TP63: variants seen among roughly 807,000 people sequenced by gnomAD.
TP63 encodes the protein tumor protein p63, also known as tumor protein 63.
A neutral mutation model predicts 82.8 loss-of-function variants in TP63; 17 were observed. The observed-to-expected ratio is 0.21, with a 90% CI of 0.14 to 0.31. The LOEUF is 0.31. Ranked by LOEUF, TP63 falls within the 10% of genes least tolerant of loss-of-function variation. The pLI is 1.00. For synonymous variants in TP63, 330 were observed against 321.7 expected (o/e 1.03, Z -0.28); for missense variants, 648 against 895.3 (o/e 0.72, Z 3.52).
chr3:189,779,282 A>T lies in TP63; in HGVS notation c.325-28990A>T, dbSNP rs540670811. On this transcript the variant is annotated intron_variant, in intron 3 of 13. Coordinates refer to ENST00000264731, the MANE Select transcript of TP63 (RefSeq NM_003722.5). ...CGTCTAGTTCATGATCAATGCAGAT[A>T]ATGTTTTCTTACAAAATCAAACCAG... Among the ~76,000 whole-genome samples the T allele has an allele frequency of 8.6e-4, 131 of 152,328 alleles. 1 individual carries two copies. The highest frequency in any genetic ancestry group is 3.1e-3 in the African/African-American group (127 of 41,572).
chr3:189,875,599 T>C (rs1279635866), intron 10 of TP63, among the ~76,000 whole-genome samples: 5 of 42,092 alleles, frequency 1.2e-4, no homozygotes, highest in African/African-American at 4.1e-4. Flanking sequence ...CATACATATA[T>C]ATATATATAT....
chr3:189,781,066 C>A (rs796729097), intron 3 of TP63, among the ~76,000 whole-genome samples: 3 of 152,042 alleles, frequency 2.0e-5, no homozygotes, highest in African/African-American at 7.2e-5. Flanking sequence ...CTTTAGAAAT[C>A]CCACAGGATT....
At chr3:189,637,595 T>TACCA (rs1331784669) in intron 1 of TP63, among the ~76,000 whole-genome samples, 1 of 152,198 alleles carries the variant, frequency 6.6e-6, no homozygotes. Flanking sequence ...GTCCCTTGAC[T>TACCA]ACCAGTTCAA....
At chr3:189,823,089 A>G (rs1327396494) in intron 4 of TP63, among the ~76,000 whole-genome samples, 1 of 152,184 alleles carries the variant, frequency 6.6e-6, no homozygotes, top group Non-Finnish European at 1.5e-5. Flanking sequence ...ATTGACTGCA[A>G]TTGACCTTTT....
intron 3 of TP63, among the ~76,000 whole-genome samples, chr3:189,754,748 T>C (rs541748625): frequency 1.3e-5 from 2 of 152,290 alleles, no homozygotes; most frequent in African/African-American, 4.8e-5. Context: ...AGAAAGCATC[T>C]CTATTTTCCT....
chr3:189,612,200 A>G, the TP63 span, among the ~76,000 whole-genome samples: 22 of 152,158 alleles, frequency 1.4e-4, no homozygotes, highest in Admixed American at 1.1e-3. Context: ...TGCTGCTGAT[A>G]TAGTTTGGCT....
At chr3:189,742,243 C>CAAAAA (rs140413709) in intron 3 of TP63, among the ~76,000 whole-genome samples, 1 of 77,618 alleles carries the variant, frequency 1.3e-5, no homozygotes, top group Admixed American at 1.7e-4. Flanking sequence ...AACTCCATCC[C>CAAAAA]AAAAAAAAAA....
chr3:189,689,581 T>C (rs35146724), intron 1 of TP63, among the ~76,000 whole-genome samples: 2,137 of 152,238 alleles, frequency 0.014, 25 homozygotes, highest in Non-Finnish European at 0.018. Flanking sequence ...GAATCGTGTA[T>C]TGGGAGTGTG....
At position 189,886,396 on chromosome 3, in the gene TP63, C is replaced by G. The variant is rs747305746; in HGVS notation, c.1352C>G (p.Thr451Ser). 61 of 1,613,894 alleles carry G rather than the reference C, an allele frequency of 3.8e-5. No individual in the cohort carries two copies. In the Middle Eastern group the frequency reaches 1.2e-3, roughly 30 times the overall value. Residue 451 changes from threonine to serine, a missense_variant and splice_region_variant, in exon 11 of 14, where the codon ACC becomes AGC. By Grantham distance (58) the Thr-to-Ser change is moderately conservative. Coordinates refer to ENST00000264731, the MANE Select transcript of TP63 (RefSeq NM_003722.5). Reference protein sequence around the residue: ...QQHQHLLQKQTSIQSPSSYGN... With the variant: ...QQHQHLLQKQSSIQSPSSYGN... Reference sequence around the variant, plus strand: ...TATTTCCATGTTTGTCTTCCTAGGACCTCAATACAGTCTCCATCTTCATAT... The same window carrying G: ...TATTTCCATGTTTGTCTTCCTAGGAGCTCAATACAGTCTCCATCTTCATAT...
intron 5 of TP63, among the ~76,000 whole-genome samples, chr3:189,865,330 A>T (rs1459822921): frequency 1.3e-5 from 2 of 152,212 alleles, no homozygotes; most frequent in Admixed American, 1.3e-4. Context: ...GGCCACCTTT[A>T]GACGCTATAT....
At chr3:189,760,568 A>G (rs957390734) in intron 3 of TP63, among the ~76,000 whole-genome samples, 2 of 152,190 alleles carry the variant, frequency 1.3e-5, no homozygotes, top group African/African-American at 2.4e-5. Flanking sequence ...GTGGTTTTGC[A>G]GGGTATAGCT....
intron 1 of TP63, among the ~76,000 whole-genome samples, chr3:189,674,170 T>C (rs1178172251): frequency 6.6e-6 from 1 of 152,108 alleles, no homozygotes; most frequent in Non-Finnish European, 1.5e-5. Context: ...GTCAGGTCTT[T>C]GCAGAAGTGG....
chr3:189,867,709 C>T, intron 6 of TP63, 124 bp from the exon 7 acceptor site: 1 of 888,524 alleles, frequency 1.1e-6, no homozygotes, highest in Non-Finnish European at 1.8e-6. Context: ...TCAGAGTTTG[C>T]CCTTTTAGGA....
the TP63 span, among the ~76,000 whole-genome samples, chr3:189,613,506 G>A: frequency 6.6e-6 from 1 of 152,334 alleles, no homozygotes; most frequent in Non-Finnish European, 1.5e-5. Flanking sequence ...GGAGAACCTC[G>A]GCTTGGGCAG....
chr3:189,808,560 C>A, intron 4 of TP63, 34 bp downstream of exon 4: 2 of 1,611,122 alleles, frequency 1.2e-6, no homozygotes, highest in Non-Finnish European at 1.7e-6. Flanking sequence ...ACCTGACCCC[C>A]CAAGTCCAAG....
intron 4 of TP63, among the ~76,000 whole-genome samples, chr3:189,824,508 C>T (rs1384264557): frequency 3.3e-5 from 5 of 152,136 alleles, no homozygotes; most frequent in African/African-American, 2.4e-5. Flanking sequence ...GCTGGGATTA[C>T]AGGAGTGAGC....
intron 1 of TP63, among the ~76,000 whole-genome samples, chr3:189,661,976 C>T (rs1211891111): frequency 6.6e-6 from 1 of 151,948 alleles, no homozygotes; most frequent in Non-Finnish European, 1.5e-5. Context: ...GTTAATCTAG[C>T]TAGAGTCTAT....
chr3:189,815,058 TCTC>T (rs1283751429), intron 4 of TP63, among the ~76,000 whole-genome samples: 2 of 152,146 alleles, frequency 1.3e-5, no homozygotes, highest in African/African-American at 4.8e-5. Context: ...TCCCTATTCT[TCTC>T]CTCTTCCCGC....
chr3:189,834,794 C>G lies in TP63; in HGVS notation c.579+26268C>G, dbSNP rs1454927880. Among the ~76,000 whole-genome samples the G allele has an allele frequency of 2.0e-5, 3 of 151,996 alleles. 1 individual carries two copies. In the South Asian group the frequency reaches 6.2e-4, roughly 32 times the overall value. On this transcript the variant is annotated intron_variant, in intron 4 of 13. Transcript: ENST00000264731. Reference sequence around the variant, plus strand: ...CTTAAATCTCTGCACCTAAATCTTTCCTTAGGATGGGTCAGTTTTTTGGAA... The same window carrying G: ...CTTAAATCTCTGCACCTAAATCTTTGCTTAGGATGGGTCAGTTTTTTGGAA...
Sources: allele counts gnomAD v4.1 joint callset (sites outside exome capture counted in the v4.1 genomes callset), GRCh38; gene constraint gnomAD v4.1.1; transcripts MANE v1.5; gene names NCBI Gene and HGNC (gene_info 2026-07-23, HGNC 2026-07-21).